The following WSCD2 variants were observed in gnomAD, a reference collection of about 807,000 sequenced individuals.
WSCD2 encodes the protein WSC domain sialate O sulfotransferase 2, also known as sialate:O-sulfotransferase 2.
Under a neutral mutation model 55.7 loss-of-function variants are expected in WSCD2, and 28 were observed. The ratio of observed to expected loss-of-function variants is 0.50; its 90% CI spans 0.37 to 0.69. The LOEUF (loss-of-function observed/expected upper bound fraction) is 0.69, where lower values mean the gene tolerates loss of function less well. WSCD2 is among the 30% of genes least tolerant of loss of function. The pLI, the probability that WSCD2 is intolerant of heterozygous loss-of-function variation, is 0.00. For synonymous variants in WSCD2, 301 were observed against 301.9 expected (o/e 1.00, Z 0.03); for missense variants, 616 against 762.1 (o/e 0.81, Z 2.26).
At chr12:108,180,050 C>CAAAAAAAAAAA (rs59925486) in intron 1 of WSCD2, among the ~76,000 whole-genome samples, 61 of 116,610 alleles carry the variant, frequency 5.2e-4, no homozygotes, top group Middle Eastern at 4.5e-3. Flanking sequence ...CTCAAAAAAA[C>CAAAAAAAAAAA]AAAAAAAAAA....
At chr12:108,240,837 C>G (rs1051090126) in intron 8 of WSCD2, among the ~76,000 whole-genome samples, 2 of 152,198 alleles carry the variant, frequency 1.3e-5, no homozygotes, top group African/African-American at 4.8e-5. Context: ...GGGTTCAGAT[C>G]TCAGCTCTAC....
intron 1 of WSCD2, among the ~76,000 whole-genome samples, chr12:108,158,438 C>G (rs1417735619): frequency 8.6e-6 from 1 of 116,256 alleles, no homozygotes; most frequent in African/African-American, 3.3e-5. Context: ...TGTTCCCATC[C>G]TTTCTCCTAT....
At chr12:108,183,725 G>A (rs1156580326) in intron 1 of WSCD2, among the ~76,000 whole-genome samples, 3 of 152,104 alleles carry the variant, frequency 2.0e-5, no homozygotes, top group East Asian at 1.9e-4. Context: ...AGGAGGCCCC[G>A]AGGTCAGAGG....
chr12:108,169,335 C>G (rs551919835), intron 1 of WSCD2, among the ~76,000 whole-genome samples: 3 of 152,186 alleles, frequency 2.0e-5, no homozygotes, highest in South Asian at 2.1e-4. Context: ...CAATCCCCCC[C>G]ACCCCCTGGT....
At chr12:108,171,104 A>G (rs1289895158) in intron 1 of WSCD2, among the ~76,000 whole-genome samples, 1 of 152,186 alleles carries the variant, frequency 6.6e-6, no homozygotes, top group Non-Finnish European at 1.5e-5. Flanking sequence ...AAGTCACTCA[A>G]ATCTCTTACC....
At chr12:108,171,266 G>A (rs1215209269) in intron 1 of WSCD2, among the ~76,000 whole-genome samples, 2 of 152,174 alleles carry the variant, frequency 1.3e-5, no homozygotes, top group Non-Finnish European at 2.9e-5. Context: ...CATTAGACTG[G>A]GAGCATGTAG....
chr12:108,234,216 C>T (rs1052877147), intron 7 of WSCD2, among the ~76,000 whole-genome samples: 4 of 152,214 alleles, frequency 2.6e-5, no homozygotes, highest in Non-Finnish European at 4.4e-5. Flanking sequence ...CCGCATTCAA[C>T]GTCGTCAATA....
chr12:108,200,198 C>G (rs1172454907), intron 2 of WSCD2, among the ~76,000 whole-genome samples: 1 of 152,194 alleles, frequency 6.6e-6, no homozygotes, highest in Non-Finnish European at 1.5e-5. Flanking sequence ...TCTCCTCCAG[C>G]TGGAGATGCA....
intron 8 of WSCD2, among the ~76,000 whole-genome samples, chr12:108,245,145 A>G (rs372734063): frequency 1.3e-4 from 20 of 152,310 alleles, no homozygotes; most frequent in African/African-American, 4.3e-4. Context: ...AGTTCTTGAG[A>G]AATCTCCACA....
chr12:108,172,784 A>C (rs1165733600), intron 1 of WSCD2, among the ~76,000 whole-genome samples: 1 of 152,098 alleles, frequency 6.6e-6, no homozygotes, highest in Non-Finnish European at 1.5e-5. Flanking sequence ...TGAGAGAGTA[A>C]ACTTTTGTTG....
chr12:108,211,630 C>CATATATATATATATATATATACAT lies in WSCD2; in HGVS notation c.682+1338_682+1361dup, dbSNP rs1229623851. The stretch of plus-strand genomic sequence containing the variant: ...AAAATGTGTCCAGTGTTTCAAATCC[C>CATATATATATATATATATATACAT]ATATATATATATATATATATACATA... On this transcript the variant is annotated intron_variant, in intron 4 of 8. Transcript: ENST00000547525. Among the ~76,000 whole-genome samples the CATATATATATATATATATATACAT allele has an allele frequency of 6.7e-3, 924 of 138,468 alleles. 13 individuals are homozygous for CATATATATATATATATATATACAT. The highest frequency in any genetic ancestry group is 0.024 in the African/African-American group (874 of 36,690). The allele number at this position is 138,468 out of a possible 152,430, so 90.8% of individuals were successfully genotyped here. A position where few individuals can be genotyped will look rare whatever the true frequency, so the allele number is the denominator to read the frequency against.
chr12:108,243,661 A>T (rs1389532430), intron 8 of WSCD2, among the ~76,000 whole-genome samples: 2 of 152,156 alleles, frequency 1.3e-5, no homozygotes, highest in East Asian at 3.8e-4. Context: ...CACCTGGGAG[A>T]TTTTTAGGCA....
rs535604093 is a variant in WSCD2 at position 108,237,666 on chromosome 12, T to G, written c.1145-2678T>G. On this transcript the variant is annotated intron_variant, in intron 7 of 8. Transcript: ENST00000547525. The stretch of plus-strand genomic sequence containing the variant: ...CCTTTCCAGACATAGTACTCTTCCC[T>G]CTCTGGGAGACATTCTGCTAAATGG... Among the ~76,000 whole-genome samples, 64 of 152,346 alleles carry G rather than the reference T, an allele frequency of 4.2e-4. 1 individual carries two copies. The South Asian group carries it at 0.011, about 26-fold the overall frequency.
At chr12:108,224,397 G>A (rs1044891593) in intron 4 of WSCD2, among the ~76,000 whole-genome samples, 1 of 152,192 alleles carries the variant, frequency 6.6e-6, no homozygotes, top group African/African-American at 2.4e-5. Flanking sequence ...TCATTTCCCT[G>A]AATGGGGCAT....
intron 1 of WSCD2, among the ~76,000 whole-genome samples, chr12:108,166,761 T>TTTCTTTCTTTC (rs10680980): frequency 0.15 from 19,214 of 124,704 alleles, 2,083 homozygotes; most frequent in East Asian, 0.21. Flanking sequence ...TCTTTCTTTC[T>TTTCTTTCTTTC]TTTCTTTCTT....
intron 7 of WSCD2, 68 bp from the exon 8 acceptor site, chr12:108,240,276 A>G (rs1889619894): frequency 6.3e-7 from 1 of 1,591,166 alleles, no homozygotes; most frequent in Non-Finnish European, 8.6e-7. Flanking sequence ...GTGGCCCAGA[A>G]GAGAGTGGGG....
chr12:108,141,173 T>C lies in WSCD2; in HGVS notation c.-552+11247T>C, dbSNP rs140167413. On this transcript the variant is annotated intron_variant, in intron 1 of 8. Coordinates refer to ENST00000547525, the MANE Select transcript of WSCD2 (RefSeq NM_014653.4). ...GGCTCAGGTGATCCTTCCACCTTAGTCTCCCAAGTAGCTGAGACTTACAGG... is the reference window on the plus strand; with the variant it reads ...GGCTCAGGTGATCCTTCCACCTTAGCCTCCCAAGTAGCTGAGACTTACAGG... 5.9e-5 allele frequency among the ~76,000 whole-genome samples: 9 copies of C among 152,312 alleles called. No individual in the cohort carries two copies. The East Asian group carries it at 1.4e-3, about 23-fold the overall frequency.
intron 7 of WSCD2, among the ~76,000 whole-genome samples, chr12:108,234,563 T>C (rs542623428): frequency 5.3e-5 from 8 of 152,354 alleles, no homozygotes; most frequent in Non-Finnish European, 1.0e-4. Flanking sequence ...TACATGCTTA[T>C]ATCAGGATTT....
chr12:108,147,916 A>G (rs1877572106), intron 1 of WSCD2, among the ~76,000 whole-genome samples: 1 of 151,788 alleles, frequency 6.6e-6, no homozygotes, highest in African/African-American at 2.4e-5. Context: ...CCTACCCTAC[A>G]TAAGATCTTT....
Sources: allele counts gnomAD v4.1 joint callset (sites outside exome capture counted in the v4.1 genomes callset), GRCh38; gene constraint gnomAD v4.1.1; transcripts MANE v1.5; gene names NCBI Gene and HGNC (gene_info 2026-07-23, HGNC 2026-07-21).